Variants in MTUS2 observed in about 807,000 individuals in gnomAD.
MTUS2 encodes microtubule associated scaffold protein 2.
A neutral mutation model predicts 114.1 loss-of-function variants in MTUS2; 40 were observed. The ratio of observed to expected loss-of-function variants is 0.35; its 90% CI spans 0.27 to 0.46. The LOEUF is 0.46. Ranked by LOEUF, MTUS2 falls within the 20% of genes least tolerant of loss-of-function variation. MTUS2 has a pLI of 1.00. For missense variants in MTUS2, 1,679 were observed against 1,705.4 expected, an observed-to-expected ratio of 0.98 and a Z score of 0.27; for synonymous variants, 688 against 672.0, an observed-to-expected ratio of 1.02 and a Z score of -0.37.
intron 2 of MTUS2, among the ~76,000 whole-genome samples, chr13:28,888,993 CT>C (rs981311356): frequency 5.3e-5 from 8 of 152,184 alleles, no homozygotes; most frequent in Admixed American, 2.6e-4. Context: ...CCCTCCACCC[CT>C]CTCCCAGGAA....
intron 7 of MTUS2, among the ~76,000 whole-genome samples, chr13:29,352,215 G>C (rs368188607): frequency 4.6e-5 from 7 of 152,176 alleles, no homozygotes; most frequent in African/African-American, 1.4e-4. Context: ...TTCTCTCTCA[G>C]TTTCTTCTTC....
At chr13:28,904,701 T>G (rs1458514036) in intron 2 of MTUS2, among the ~76,000 whole-genome samples, 2 of 152,186 alleles carry the variant, frequency 1.3e-5, no homozygotes, top group African/African-American at 4.8e-5. Flanking sequence ...GCCTCCAGCT[T>G]TGTTCTTTTG....
chr13:29,273,103 T>C (rs1897937737), intron 5 of MTUS2, among the ~76,000 whole-genome samples: 2 of 152,210 alleles, frequency 1.3e-5, no homozygotes, highest in Admixed American at 6.5e-5. Context: ...CTCTTAATAC[T>C]ATCACATTGG....
chr13:29,125,070 A>C (rs1031493313), intron 5 of MTUS2, among the ~76,000 whole-genome samples: 1 of 152,246 alleles, frequency 6.6e-6, no homozygotes, highest in Non-Finnish European at 1.5e-5. Flanking sequence ...TACACTTAAA[A>C]ATAGTAAAAT....
Position 29,496,695 on chromosome 13 carries a change from G to T in MTUS2, c.3580-543G>T, listed in dbSNP as rs187606630. Among the ~76,000 whole-genome samples, 7 of 152,238 alleles carry T rather than the reference G, an allele frequency of 4.6e-5. No homozygotes were observed. The highest frequency in any genetic ancestry group is 2.0e-4 in the Admixed American group (3 of 15,294). On this transcript the variant is annotated intron_variant, in intron 12 of 15. Coordinates refer to ENST00000612955, the MANE Select transcript of MTUS2 (RefSeq NM_001033602.4). This position sits in a 1 kb window ranked among gnomAD's most constrained non-coding sequence, Gnocchi z 4.3. ...GCCGGCAGAGTGGCCTGAGCTCAGG[G>T]GACTCTGTGGGTTCTAGGGACATTC... is the stretch of plus-strand genomic sequence containing the variant.
intron 5 of MTUS2, among the ~76,000 whole-genome samples, chr13:29,209,054 T>G (rs1255313146): frequency 6.6e-6 from 1 of 152,180 alleles, no homozygotes; most frequent in Non-Finnish European, 1.5e-5. Flanking sequence ...TGTGTTGCTG[T>G]CTGTCTCTTT....
intron 2 of MTUS2, among the ~76,000 whole-genome samples, chr13:28,882,587 A>G (rs1304634529): frequency 6.6e-6 from 1 of 151,892 alleles, no homozygotes; most frequent in East Asian, 1.9e-4. Flanking sequence ...AAAACAAAAC[A>G]TTACCTGGGT....
In MTUS2 at chr13:29,391,826, A is replaced by G. The variant is rs535762989; in HGVS notation, c.3117+32353A>G. The stretch of plus-strand genomic sequence containing the variant: ...TTCATATTGTTGTACAGTTGTCACC[A>G]TCATCCATCTTCAGAACTTTGTCAC... On this transcript the variant is annotated intron_variant, in intron 8 of 15. Coordinates refer to ENST00000612955, the MANE Select transcript of MTUS2 (RefSeq NM_001033602.4). Among the ~76,000 whole-genome samples the G allele has an allele frequency of 4.6e-5, 7 of 152,254 alleles. No individual in the cohort carries two copies. The South Asian group carries it at 1.2e-3, about 27-fold the overall frequency.
Position 29,385,187 on chromosome 13 carries a change from G to C in MTUS2, c.3117+25714G>C, listed in dbSNP as rs749347606. Among the ~76,000 whole-genome samples, 10 of 152,152 alleles carry C rather than the reference G, an allele frequency of 6.6e-5. 1 individual carries two copies. The highest frequency in any genetic ancestry group is 1.2e-4 in the Non-Finnish European group (8 of 68,036). ...TGCCGACATTTGTGAGAAATACTAG[G>C]CCGTGCTACCACAATACCAGCACAA... On this transcript the variant is annotated intron_variant, in intron 8 of 15. Coordinates refer to ENST00000612955, the MANE Select transcript of MTUS2 (RefSeq NM_001033602.4).
At chr13:29,094,623 GA>G in intron 4 of MTUS2, among the ~76,000 whole-genome samples, 1 of 152,064 alleles carries the variant, frequency 6.6e-6, no homozygotes, top group Non-Finnish European at 1.5e-5. Context: ...ATAATTCAAA[GA>G]ACTAGGATTT....
chr13:29,040,110 C>A (rs2138551350), intron 4 of MTUS2, among the ~76,000 whole-genome samples: 1 of 152,222 alleles, frequency 6.6e-6, no homozygotes, highest in Admixed American at 6.5e-5. Flanking sequence ...ATCTTTTATC[C>A]CTCACTCACC....
At chr13:29,208,496 T>A (rs921341078) in intron 5 of MTUS2, among the ~76,000 whole-genome samples, 3 of 152,112 alleles carry the variant, frequency 2.0e-5, no homozygotes, top group African/African-American at 7.2e-5. Context: ...TTTGTTTGTT[T>A]GTTTCTCTAG....
chr13:28,994,072 C>T (rs1264896109), intron 2 of MTUS2, among the ~76,000 whole-genome samples: 2 of 152,038 alleles, frequency 1.3e-5, no homozygotes, highest in Non-Finnish European at 2.9e-5. Flanking sequence ...CCACAACAGT[C>T]GCCGGTGTGT....
In MTUS2 at chr13:29,471,589, A is replaced by T. The variant is rs144406334; in HGVS notation, c.3185-8561A>T. Among the ~76,000 whole-genome samples the T allele has an allele frequency of 3.2e-3, 484 of 152,264 alleles. 1 individual carries two copies. Among genetic ancestry groups the T allele is most frequent in the African/African-American group, 0.011 (466 of 41,552 alleles). On this transcript the variant is annotated intron_variant, in intron 9 of 15. Transcript: ENST00000612955. ...ACAGACAGGTAAAGAGATGTGTTGC[A>T]GTTTACAACAGTGGTTGTTTTTAGG...
chr13:29,220,540 G>C (rs1397752375), intron 5 of MTUS2, among the ~76,000 whole-genome samples: 1 of 152,122 alleles, frequency 6.6e-6, no homozygotes, highest in East Asian at 1.9e-4. Flanking sequence ...TGTGCCTTGG[G>C]GAATAGGGAG....
chr13:29,343,930 G>A (rs1244508343), intron 7 of MTUS2, among the ~76,000 whole-genome samples: 1 of 152,056 alleles, frequency 6.6e-6, no homozygotes, highest in African/African-American at 2.4e-5. Flanking sequence ...TTCAAGAGCA[G>A]GTTATTTAAT....
At chr13:29,012,757 C>G (rs1165042662) in intron 2 of MTUS2, among the ~76,000 whole-genome samples, 2 of 151,948 alleles carry the variant, frequency 1.3e-5, no homozygotes, top group Non-Finnish European at 2.9e-5. Flanking sequence ...GCCTGTAGTC[C>G]CAGCTACTCG....
At chr13:28,865,572 T>C (rs948908969) in intron 2 of MTUS2, among the ~76,000 whole-genome samples, 3 of 152,206 alleles carry the variant, frequency 2.0e-5, no homozygotes, top group Non-Finnish European at 4.4e-5. Context: ...ATGCAAATTG[T>C]TTTAGCATCA....
chr13:29,094,505 T>C (rs1890096613), intron 4 of MTUS2, among the ~76,000 whole-genome samples: 1 of 152,068 alleles, frequency 6.6e-6, no homozygotes, highest in Admixed American at 6.5e-5. Context: ...TATTCCCATA[T>C]GATCCTGCAA....
Sources: gnomAD v4.1 joint callset for allele counts (sites outside exome capture counted in the v4.1 genomes callset) on GRCh38, gnomAD v4.1.1 for gene constraint, Gnocchi (gnomAD v3.1) non-coding constraint, MANE v1.5 for transcripts, NCBI Gene and HGNC (gene_info 2026-07-23, HGNC 2026-07-21) for gene names.